RALYL: variants seen among roughly 807,000 people sequenced by gnomAD.
The protein encoded by RALYL is RALY RNA binding protein like.
Under a neutral mutation model 35.1 loss-of-function variants are expected in RALYL, and 29 were observed. The observed-to-expected ratio is 0.83, with a 90% CI of 0.61 to 1.13. The LOEUF (loss-of-function observed/expected upper bound fraction) is 1.13. Among genes scored for constraint, RALYL ranks in the 50% most tolerant of loss-of-function variants. The pLI, the probability that RALYL is intolerant of heterozygous loss-of-function variation, is 0.00. For missense variants in RALYL, 359 were observed against 360.4 expected (o/e 1.00, Z 0.03); for synonymous variants, 120 against 127.6 (o/e 0.94, Z 0.40).
intron 1 of RALYL, among the ~76,000 whole-genome samples, chr8:84,270,530 C>T (rs939608668): frequency 7.3e-5 from 11 of 150,598 alleles, no homozygotes; most frequent in African/African-American, 2.0e-4. Context: ...CTTGAGGTTT[C>T]GATTAACCAG....
chr8:84,312,476 T>A (rs1842987881), intron 1 of RALYL, among the ~76,000 whole-genome samples: 1 of 152,280 alleles, frequency 6.6e-6, no homozygotes, highest in Admixed American at 6.5e-5. Flanking sequence ...CCCTTCCACT[T>A]ATGAGCCTGT....
chr8:84,757,928 G>A (rs1811812338), intron 2 of RALYL, among the ~76,000 whole-genome samples: 1 of 152,066 alleles, frequency 6.6e-6, no homozygotes, highest in South Asian at 2.1e-4. Flanking sequence ...GTTCCATTAA[G>A]TATAGACTTA....
In RALYL at chr8:84,484,786, GT is replaced by G. The variant is rs1342910183; in HGVS notation, c.-23-44508del. Reference sequence around the variant, plus strand: ...CAACATTAACTAAAGTCATATGTGAGTTTTTATTTTGGGGCATGATGAGCTT... The same window carrying G: ...CAACATTAACTAAAGTCATATGTGAGTTTTATTTTGGGGCATGATGAGCTT... On this transcript the variant is annotated intron_variant, in intron 1 of 8. Transcript: ENST00000521268. Among the ~76,000 whole-genome samples the G allele has an allele frequency of 5.9e-5, 9 of 152,186 alleles. No individual in the cohort carries two copies. The East Asian group carries it at 9.6e-4, about 16-fold the overall frequency.
At chr8:84,324,969 T>C (rs1845546522) in intron 1 of RALYL, among the ~76,000 whole-genome samples, 1 of 152,190 alleles carries the variant, frequency 6.6e-6, no homozygotes, top group Non-Finnish European at 1.5e-5. Flanking sequence ...GTACCCTTAA[T>C]TCTTTGAAGC....
chr8:84,715,389 G>C (rs760894335), intron 2 of RALYL, among the ~76,000 whole-genome samples: 1 of 151,642 alleles, frequency 6.6e-6, no homozygotes, highest in South Asian at 2.1e-4. Flanking sequence ...TAGGAAATTG[G>C]ACACCCAAAA....
Position 84,553,240 on chromosome 8 carries a change from T to C in RALYL, c.256+23663T>C, listed in dbSNP as rs566575487. ...GCAGTGGCACAATCATAGCTCACTGTAACCTCTAATACCTGGGCTCGAAGG... is the reference window on the plus strand; with the variant it reads ...GCAGTGGCACAATCATAGCTCACTGCAACCTCTAATACCTGGGCTCGAAGG... On this transcript the variant is annotated intron_variant, in intron 2 of 8. Coordinates refer to ENST00000521268, the MANE Select transcript of RALYL (RefSeq NM_173848.7). 4.6e-5 allele frequency among the ~76,000 whole-genome samples: 7 copies of C among 152,304 alleles called. No homozygotes were observed. The East Asian group carries it at 1.4e-3, about 29-fold the overall frequency.
intron 8 of RALYL, among the ~76,000 whole-genome samples, chr8:84,914,112 G>C (rs1587202116): frequency 2.6e-5 from 4 of 151,766 alleles, no homozygotes; most frequent in Non-Finnish European, 5.9e-5. Flanking sequence ...ATTTTTGTTG[G>C]CTATAAAATG....
At chr8:84,861,049 A>G (rs1837998872) in intron 5 of RALYL, among the ~76,000 whole-genome samples, 1 of 152,088 alleles carries the variant, frequency 6.6e-6, no homozygotes, top group South Asian at 2.1e-4. Context: ...TTATGAATTA[A>G]CCTATTATAG....
chr8:84,300,465 A>G (rs551035704), intron 1 of RALYL, among the ~76,000 whole-genome samples: 5 of 152,182 alleles, frequency 3.3e-5, no homozygotes, highest in African/African-American at 1.2e-4. Context: ...CATTTGGTCA[A>G]GTGTCAAGTA....
chr8:84,236,442 G>A (rs1432097135), intron 1 of RALYL, among the ~76,000 whole-genome samples: 1 of 152,090 alleles, frequency 6.6e-6, no homozygotes. Flanking sequence ...GGTTCTGTGG[G>A]GTTCCTTTAT....
intron 1 of RALYL, among the ~76,000 whole-genome samples, chr8:84,456,479 A>G (rs899935683): frequency 5.3e-5 from 8 of 151,958 alleles, no homozygotes; most frequent in Admixed American, 4.6e-4. Flanking sequence ...CTTCTTTATT[A>G]TGCTCCATAT....
At chr8:84,704,008 T>C (rs1338506057) in intron 2 of RALYL, among the ~76,000 whole-genome samples, 1 of 152,206 alleles carries the variant, frequency 6.6e-6, no homozygotes, top group African/African-American at 2.4e-5. Flanking sequence ...AGATGTGAAA[T>C]GACAAGTATT....
At chr8:84,708,065 G>A (rs1053934281) in intron 2 of RALYL, among the ~76,000 whole-genome samples, 2 of 152,094 alleles carry the variant, frequency 1.3e-5, no homozygotes, top group African/African-American at 2.4e-5. Context: ...CTTTAAAAAT[G>A]AGATAGTACA....
At chr8:84,232,620 G>A (rs993381598) in intron 1 of RALYL, among the ~76,000 whole-genome samples, 23 of 152,110 alleles carry the variant, frequency 1.5e-4, no homozygotes, top group African/African-American at 5.6e-4. Flanking sequence ...GTAACTACCT[G>A]AGGTAATGCC....
chr8:84,728,542 C>T (rs1406054252), intron 2 of RALYL, among the ~76,000 whole-genome samples: 9 of 151,918 alleles, frequency 5.9e-5, no homozygotes, highest in East Asian at 1.9e-4. Flanking sequence ...GACATGAAGT[C>T]CTTGCCCATG....
At chr8:84,652,985 T>A (rs1829165102) in intron 2 of RALYL, among the ~76,000 whole-genome samples, 1 of 152,130 alleles carries the variant, frequency 6.6e-6, no homozygotes, top group African/African-American at 2.4e-5. Context: ...AATAGAGAAC[T>A]TGGACATCTA....
chr8:84,640,170 G>C (rs928918728), intron 2 of RALYL, among the ~76,000 whole-genome samples: 1 of 151,942 alleles, frequency 6.6e-6, no homozygotes, highest in African/African-American at 2.4e-5. Context: ...TAAAACAATA[G>C]TTACTCATTT....
chr8:84,586,405 T>C (rs1812020770), intron 2 of RALYL, among the ~76,000 whole-genome samples: 1 of 152,186 alleles, frequency 6.6e-6, no homozygotes, highest in Admixed American at 6.5e-5. Flanking sequence ...AGCAGAAATT[T>C]CATTCCAAGT....
intron 1 of RALYL, among the ~76,000 whole-genome samples, chr8:84,199,091 T>C (rs530401805): frequency 2.0e-5 from 3 of 152,302 alleles, no homozygotes; most frequent in Non-Finnish European, 2.9e-5. Context: ...ATAGTGGTTG[T>C]ACTAATTTAC....
Sources: allele counts gnomAD v4.1 joint callset (sites outside exome capture counted in the v4.1 genomes callset), GRCh38; gene constraint gnomAD v4.1.1; transcripts MANE v1.5; gene names NCBI Gene and HGNC (gene_info 2026-07-23, HGNC 2026-07-21).